The following NLGN1 variants were observed in gnomAD, a reference collection of about 807,000 sequenced individuals.
NLGN1 encodes neuroligin-1.
NLGN1 carries 12 observed loss-of-function variants against 65.5 expected under a neutral mutation model. The ratio of observed to expected loss-of-function variants is 0.18; its 90% confidence interval spans 0.12 to 0.30. The LOEUF is 0.30. NLGN1 is among the 10% of genes least tolerant of loss of function. NLGN1 has a pLI of 1.00. For missense variants in NLGN1, 750 were observed against 1,007.1 expected (o/e 0.74, Z 3.46); for synonymous variants, 350 against 359.5 (o/e 0.97, Z 0.30).
At chr3:174,044,565 T>C (rs1579966378) in intron 4 of NLGN1, among the ~76,000 whole-genome samples, 1 of 152,210 alleles carries the variant, frequency 6.6e-6, no homozygotes, top group African/African-American at 2.4e-5. Flanking sequence ...TCTCAGTAAG[T>C]TCCTCACCTC....
chr3:174,281,481 T>G, exon 7 of NLGN1: 3 of 504,508 alleles, frequency 5.9e-6, no homozygotes, highest in East Asian at 3.0e-5. Flanking sequence ...CAAATCAACT[T>G]TAAAAACAAA....
chr3:173,580,458 A>T (rs1746216097), intron 2 of NLGN1, among the ~76,000 whole-genome samples: 2 of 151,988 alleles, frequency 1.3e-5, no homozygotes, highest in Admixed American at 1.3e-4. Flanking sequence ...AGAAATTAGC[A>T]AGCCCATCTA....
chr3:173,842,515 G>A (rs546209713), intron 4 of NLGN1, among the ~76,000 whole-genome samples: 8 of 152,286 alleles, frequency 5.3e-5, no homozygotes, highest in Middle Eastern at 3.4e-3. Context: ...TACAATGGGG[G>A]TACAGGCATT....
intron 4 of NLGN1, among the ~76,000 whole-genome samples, chr3:174,005,858 G>T (rs1330720393): frequency 6.6e-6 from 1 of 152,084 alleles, no homozygotes; most frequent in Non-Finnish European, 1.5e-5. Context: ...TTTCCCGTCT[G>T]TATGATGGGG....
intron 4 of NLGN1, among the ~76,000 whole-genome samples, chr3:173,871,625 C>G (rs1335524497): frequency 6.6e-6 from 1 of 152,160 alleles, no homozygotes. Context: ...CTACTGGTGG[C>G]TAAATTTATG....
chr3:173,439,161 G>A (rs1340527806), intron 2 of NLGN1, among the ~76,000 whole-genome samples: 1 of 152,102 alleles, frequency 6.6e-6, no homozygotes, highest in African/African-American at 2.4e-5. Flanking sequence ...TTTGCACAAG[G>A]GAAGAATTTT....
chr3:173,807,339 G>T (rs2150445848), intron 3 of NLGN1, among the ~76,000 whole-genome samples: 1 of 152,176 alleles, frequency 6.6e-6, no homozygotes, highest in Non-Finnish European at 1.5e-5. Context: ...TTTTTAAAAA[G>T]TAGTCCTAAG....
chr3:173,811,341 A>G (rs1280849566), intron 4 of NLGN1, among the ~76,000 whole-genome samples: 1 of 152,054 alleles, frequency 6.6e-6, no homozygotes, highest in Non-Finnish European at 1.5e-5. Context: ...AGGTGGGTGG[A>G]TGGCCTGAGG....
intron 2 of NLGN1, among the ~76,000 whole-genome samples, chr3:173,443,836 T>A (rs931610784): frequency 1.3e-5 from 2 of 152,202 alleles, no homozygotes; most frequent in Non-Finnish European, 2.9e-5. Flanking sequence ...TTTTTCAAGG[T>A]AATACAATTT....
intron 4 of NLGN1, among the ~76,000 whole-genome samples, chr3:174,211,327 T>C (rs940803218): frequency 6.6e-6 from 1 of 152,128 alleles, no homozygotes; most frequent in Non-Finnish European, 1.5e-5. Flanking sequence ...TTTGTCAGGG[T>C]GCTGATTGGT....
chr3:173,971,431 G>T (rs965744838), intron 4 of NLGN1, among the ~76,000 whole-genome samples: 2 of 151,534 alleles, frequency 1.3e-5, no homozygotes, highest in African/African-American at 4.8e-5. Context: ...AGAGACAGAG[G>T]ATGATGATGA....
chr3:174,224,031 A>T (rs1037201580), intron 4 of NLGN1, among the ~76,000 whole-genome samples: 1 of 152,180 alleles, frequency 6.6e-6, no homozygotes, highest in Non-Finnish European at 1.5e-5. Flanking sequence ...ATTTTGTATG[A>T]TAACCCTGAG....
At chr3:173,533,208 T>G (rs1288816011) in intron 2 of NLGN1, among the ~76,000 whole-genome samples, 1 of 152,232 alleles carries the variant, frequency 6.6e-6, no homozygotes, top group Non-Finnish European at 1.5e-5. Flanking sequence ...AAAACTGTTA[T>G]ACTTCAATTA....
At chr3:173,612,342 A>G (rs1375089369) in intron 3 of NLGN1, among the ~76,000 whole-genome samples, 1 of 152,130 alleles carries the variant, frequency 6.6e-6, no homozygotes, top group Non-Finnish European at 1.5e-5. Flanking sequence ...GTAACAAATT[A>G]TCACAAACTG....
chr3:173,939,940 G>A (rs1379731867), intron 4 of NLGN1, among the ~76,000 whole-genome samples: 1 of 151,564 alleles, frequency 6.6e-6, no homozygotes, highest in African/African-American at 2.4e-5. Context: ...ATGATCACTC[G>A]GTCTTAAACA....
intron 4 of NLGN1, among the ~76,000 whole-genome samples, chr3:174,135,128 A>G (rs1720972952): frequency 6.6e-6 from 1 of 152,196 alleles, no homozygotes; most frequent in Admixed American, 6.5e-5. Context: ...AAGATTTCTA[A>G]TGCATCTTAA....
chr3:173,880,480 T>C (rs765279913), intron 4 of NLGN1, among the ~76,000 whole-genome samples: 152 of 151,734 alleles, frequency 1.0e-3, no homozygotes, highest in Non-Finnish European at 1.8e-3. Context: ...AATCAAGTGA[T>C]TCACACAAAT....
downstream of NLGN1, among the ~76,000 whole-genome samples, chr3:174,290,692 G>C (rs929219033): frequency 2.0e-5 from 3 of 150,378 alleles, no homozygotes; most frequent in Non-Finnish European, 4.5e-5. Context: ...TGAGTGGATA[G>C]AAAATTCCTG....
chr3:173,817,620 G>A (rs919153701), intron 4 of NLGN1, among the ~76,000 whole-genome samples: 10 of 152,140 alleles, frequency 6.6e-5, no homozygotes, highest in African/African-American at 1.9e-4. Flanking sequence ...ATTGTGAAGA[G>A]TTCTTCTGAA....
Sources: allele counts gnomAD v4.1 joint callset (sites outside exome capture counted in the v4.1 genomes callset), GRCh38; gene constraint gnomAD v4.1.1; transcripts MANE v1.5; gene names NCBI Gene and HGNC (gene_info 2026-07-23, HGNC 2026-07-21).